PLCH1: variants seen among roughly 807,000 people sequenced by gnomAD.
PLCH1 encodes 1-phosphatidylinositol 4,5-bisphosphate phosphodiesterase eta-1.
In PLCH1, 60 loss-of-function variants were observed where a neutral mutation model predicts 126.7. That is an observed-to-expected ratio of 0.47 (90% CI 0.38 to 0.59). PLCH1 has a LOEUF of 0.59. PLCH1 is among the 20% of genes least tolerant of loss of function. PLCH1 has a pLI of 0.00. For synonymous variants in PLCH1, 719 were observed against 734.9 expected (o/e 0.98, Z 0.35); for missense variants, 1,723 against 2,040.0 (o/e 0.84, Z 2.99).
At chr3:155,655,206 C>CA (rs1741209309) in intron 2 of PLCH1, among the ~76,000 whole-genome samples, 1 of 152,094 alleles carries the variant, frequency 6.6e-6, no homozygotes, top group Non-Finnish European at 1.5e-5. Context: ...GAGGCCAAGT[C>CA]AGGAGGATCA....
chr3:155,740,820 T>C (rs1017344934), intron 1 of PLCH1, among the ~76,000 whole-genome samples: 2 of 152,250 alleles, frequency 1.3e-5, no homozygotes, highest in Non-Finnish European at 2.9e-5. Context: ...ATTTATTAGC[T>C]GTGTGACTTT....
rs1352534205 is a variant in PLCH1, at chr3:155,482,319, T to G, written c.3707A>C (p.Lys1236Thr). The change falls in exon 23 of 23, where the codon AAG becomes ACG. Residue 1236 changes from lysine (K) to threonine (T), a missense_variant. By Grantham distance (78) the Lys-to-Thr change is moderately conservative. Transcript: ENST00000460012. ...LKMPIKHGFC[K>T]GKSKSSFLCS... ...CAGGAAGGAAGACTTGGATTTTCCC[T>G]TGCAAAAACCATGCTTGATGGGCAT... 30 of 1,614,164 alleles carry G rather than the reference T, an allele frequency of 1.9e-5. No homozygotes were observed. The highest frequency in any genetic ancestry group is 2.2e-5 in the Non-Finnish European group (26 of 1,180,024).
At chr3:155,639,228 G>T (rs935950422) in intron 2 of PLCH1, among the ~76,000 whole-genome samples, 10 of 152,134 alleles carry the variant, frequency 6.6e-5, no homozygotes, top group African/African-American at 2.4e-4. Context: ...GGAGGCCAAC[G>T]CGGGAAGATC....
At chr3:155,619,995 T>C (rs1371207472) in intron 2 of PLCH1, among the ~76,000 whole-genome samples, 1 of 152,246 alleles carries the variant, frequency 6.6e-6, no homozygotes, top group South Asian at 2.1e-4. Context: ...TTTAAAAAAA[T>C]TAAATAACAT....
rs561662660 is a variant in PLCH1 at position 155,731,641 on chromosome 3, C to T, written c.-41+13199G>A. Reference sequence around the variant, plus strand: ...AGTCTACAAAGACTGGAATAAATCCCTACTTCTTCAAAAGCACAGGCACCA... The same window carrying T: ...AGTCTACAAAGACTGGAATAAATCCTTACTTCTTCAAAAGCACAGGCACCA... On this transcript the variant is annotated intron_variant, in intron 1 of 22. Transcript: ENST00000460012. Among the ~76,000 whole-genome samples the T allele has an allele frequency of 7.1e-4, 108 of 152,244 alleles. No individual in the cohort carries two copies. The South Asian group carries it at 8.5e-3, about 12-fold the overall frequency.
chr3:155,546,291 G>A (rs557300015), intron 10 of PLCH1, among the ~76,000 whole-genome samples: 1 of 152,136 alleles, frequency 6.6e-6, no homozygotes, highest in Non-Finnish European at 1.5e-5. Context: ...ATTCACAATT[G>A]CTTCAAAGAG....
chr3:155,696,351 G>A lies in PLCH1; in HGVS notation c.79+7795C>T, dbSNP rs573532353. Among the ~76,000 whole-genome samples the A allele has an allele frequency of 2.9e-3, 435 of 152,124 alleles. 4 individuals are homozygous for A. Among genetic ancestry groups the A allele is most frequent in the South Asian group, 6.4e-3 (31 of 4,810 alleles). On this transcript the variant is annotated intron_variant, in intron 2 of 22. Transcript: ENST00000460012. ...TCTTTTGATAGATAGGAGATTGGAG[G>A]GTTTCATGATTACAAACACAATCAC...
At chr3:155,601,721 T>C (rs1229563027) in intron 2 of PLCH1, among the ~76,000 whole-genome samples, 1 of 152,148 alleles carries the variant, frequency 6.6e-6, no homozygotes, top group African/African-American at 2.4e-5. Flanking sequence ...TACTGAGGTG[T>C]CATTGATATG....
intron 2 of PLCH1, among the ~76,000 whole-genome samples, chr3:155,598,680 G>A (rs1733311780): frequency 6.6e-6 from 1 of 152,108 alleles, no homozygotes; most frequent in African/African-American, 2.4e-5. Flanking sequence ...TTCCAGATCT[G>A]CCACTTACTA....
At chr3:155,472,552 G>A (rs1237334729) in intron 21 of PLCH1, among the ~76,000 whole-genome samples, 5 of 151,770 alleles carry the variant, frequency 3.3e-5, no homozygotes, top group African/African-American at 4.8e-5. Flanking sequence ...AATAGAAAAA[G>A]AGGGAATCCT....
intron 4 of PLCH1, among the ~76,000 whole-genome samples, chr3:155,589,707 T>C (rs1560210145): frequency 6.6e-6 from 1 of 152,204 alleles, no homozygotes; most frequent in Non-Finnish European, 1.5e-5. Flanking sequence ...CATCTTTGCA[T>C]ACAGATCTGC....
intron 19 of PLCH1, 119 bp downstream of exon 19, chr3:155,490,665 C>T (rs1716041086): frequency 5.0e-6 from 3 of 602,970 alleles, no homozygotes. Context: ...TTAACATAAA[C>T]TCAGATGGGA....
At chr3:155,619,497 G>GA (rs1736193704) in intron 2 of PLCH1, among the ~76,000 whole-genome samples, 1 of 65,188 alleles carries the variant, frequency 1.5e-5, no homozygotes, top group African/African-American at 1.0e-4. Flanking sequence ...AACAGAAAAA[G>GA]TAAAAAAAAA....
At chr3:155,599,021 C>T (rs955204507) in intron 2 of PLCH1, among the ~76,000 whole-genome samples, 1 of 117,974 alleles carries the variant, frequency 8.5e-6, no homozygotes, top group African/African-American at 3.2e-5. Flanking sequence ...ACCCGCCCCC[C>T]TCCCCATATG....
intron 2 of PLCH1, among the ~76,000 whole-genome samples, chr3:155,638,054 C>T (rs1366075521): frequency 6.6e-6 from 1 of 152,200 alleles, no homozygotes; most frequent in East Asian, 1.9e-4. Flanking sequence ...AGCTTTGGCA[C>T]ATCTACTGAT....
At chr3:155,648,482 A>C (rs1288620649) in intron 2 of PLCH1, among the ~76,000 whole-genome samples, 1 of 152,182 alleles carries the variant, frequency 6.6e-6, no homozygotes, top group Non-Finnish European at 1.5e-5. Flanking sequence ...TCCCCTGGTG[A>C]ACATGCAACT....
intron 12 of PLCH1, among the ~76,000 whole-genome samples, chr3:155,514,149 C>T (rs1036472862): frequency 1.5e-4 from 23 of 152,242 alleles, no homozygotes; most frequent in Non-Finnish European, 2.8e-4. Context: ...ATAAATTTGC[C>T]GCTTACCAAC....
At chr3:155,690,158 T>C (rs996205202) in intron 2 of PLCH1, among the ~76,000 whole-genome samples, 2 of 152,132 alleles carry the variant, frequency 1.3e-5, no homozygotes, top group Admixed American at 6.5e-5. Flanking sequence ...ATTTAAAGTG[T>C]TGACAGAAAA....
intron 1 of PLCH1, chr3:155,742,721 TTTAAACATTTGAGCTAGA>T (rs1166075386): frequency 1.3e-5 from 2 of 152,246 alleles, no homozygotes; most frequent in Non-Finnish European, 1.5e-5. Flanking sequence ...TGGACTTATT[TTTAAACATTTGAGCTAGA>T]TGGATTGCAC....
Sources: gnomAD v4.1 joint callset for allele counts (sites outside exome capture counted in the v4.1 genomes callset) on GRCh38, gnomAD v4.1.1 for gene constraint, MANE v1.5 for transcripts, NCBI Gene and HGNC (gene_info 2026-07-23, HGNC 2026-07-21) for gene names.